The following ELP3 variants were observed in gnomAD, a reference collection of about 807,000 sequenced individuals.
ELP3 encodes the protein elongator acetyltransferase complex subunit 3.
Under a neutral mutation model 74.9 loss-of-function variants are expected in ELP3, and 56 were observed. That is an observed-to-expected ratio of 0.75 (90% CI 0.60 to 0.93). The LOEUF (loss-of-function observed/expected upper bound fraction) is 0.93, where lower values mean the gene tolerates loss of function less well. Ranked by LOEUF, ELP3 falls within the 40% of genes least tolerant of loss-of-function variation. The probability of loss-of-function intolerance (pLI) is 0.00; values close to 1 mark genes in which losing one functional copy is unlikely to be tolerated. For missense variants in ELP3, 573 were observed against 686.5 expected (o/e 0.83, Z 1.85); for synonymous variants, 222 against 239.8 (o/e 0.93, Z 0.68).
intron 14 of ELP3, among the ~76,000 whole-genome samples, chr8:28,175,117 A>T (rs1814690563): frequency 6.6e-6 from 1 of 152,040 alleles, no homozygotes. Flanking sequence ...ATCATTGTGG[A>T]TCTCTTTGAG....
At chr8:28,105,022 T>TATAG (rs1358488309) in intron 3 of ELP3, among the ~76,000 whole-genome samples, 2 of 152,182 alleles carry the variant, frequency 1.3e-5, no homozygotes, top group Non-Finnish European at 2.9e-5. Flanking sequence ...TCAAGCTGAT[T>TATAG]TCTATGTCTT....
chr8:28,102,822 A>G (rs1482994422), intron 3 of ELP3, among the ~76,000 whole-genome samples: 5 of 152,222 alleles, frequency 3.3e-5, no homozygotes, highest in Non-Finnish European at 4.4e-5. Flanking sequence ...CCAATGCATA[A>G]TGTCATGTAT....
At chr8:28,101,302 C>T (rs964022333) in intron 3 of ELP3, among the ~76,000 whole-genome samples, 1 of 151,312 alleles carries the variant, frequency 6.6e-6, no homozygotes, top group Non-Finnish European at 1.5e-5. Flanking sequence ...GGCCTGTAGT[C>T]CCAGCTACTC....
intron 7 of ELP3, among the ~76,000 whole-genome samples, chr8:28,121,585 G>T (rs1011228667): frequency 5.3e-5 from 8 of 152,040 alleles, no homozygotes; most frequent in African/African-American, 1.9e-4. Context: ...CTCCCAAAGT[G>T]CTGGGATTAC....
At chr8:28,097,120 T>C in intron 1 of ELP3, 99 bp from the exon 2 acceptor site, 1 of 721,462 alleles carries the variant, frequency 1.4e-6, no homozygotes, top group South Asian at 1.8e-5. Flanking sequence ...TCATTTGGCA[T>C]ATTTGTATGG....
intron 7 of ELP3, among the ~76,000 whole-genome samples, chr8:28,127,911 G>C (rs1812642755): frequency 6.6e-6 from 1 of 152,196 alleles, no homozygotes; most frequent in African/African-American, 2.4e-5. Flanking sequence ...TTGTTCTCTA[G>C]ATTGGTGATT....
chr8:28,094,645 G>T (rs993121248), intron 1 of ELP3, among the ~76,000 whole-genome samples: 6 of 152,138 alleles, frequency 3.9e-5, no homozygotes, highest in Admixed American at 1.3e-4. Context: ...CTGAGGCAGA[G>T]GCGGGAGAAT....
In ELP3 at chr8:28,189,635, C is replaced by T. The variant is rs763371068; in HGVS notation, c.1568-14C>T. 1.1e-5 allele frequency: 17 copies of T among 1,613,580 alleles called. No homozygotes were observed. The highest frequency in any genetic ancestry group is 2.2e-5 in the East Asian group (1 of 44,880). On this transcript the variant is annotated splice_polypyrimidine_tract_variant and intron_variant, in intron 14 of 14. Coordinates refer to ENST00000256398, the MANE Select transcript of ELP3 (RefSeq NM_018091.6). Reference sequence around the variant, plus strand: ...AAAGTGAATGCTCCTTTTTTAACTTCGATTTTTCTGCAGGGGTCGGCACCA... The same window carrying T: ...AAAGTGAATGCTCCTTTTTTAACTTTGATTTTTCTGCAGGGGTCGGCACCA...
rs1194222484 is a variant in ELP3, at chr8:28,156,014, G to A, written c.1173G>A (p.Met391Ile). ...TGAGAGAGCTGGCACTTGCAAGAAT[G>A]AAAGACCTCGGAATACAGGTAAGAG... ...GNLRELALAR[M>I]KDLGIQCRDV... The change falls in exon 11 of 15, where the codon ATG becomes ATA. Residue 391 changes from methionine to isoleucine, a missense_variant. By Grantham distance (10) the Met-to-Ile change is conservative. Transcript: ENST00000256398. 1.2e-6 allele frequency: 2 copies of A among 1,613,656 alleles called. No homozygotes were observed. Among genetic ancestry groups the A allele is most frequent in the Admixed American group, 1.7e-5 (1 of 59,982 alleles).
At position 28,160,331 on chromosome 8, in the gene ELP3, C is replaced by T. The variant is rs751119272; in HGVS notation, c.1360C>T (p.Arg454Cys). The T allele has an allele frequency of 4.3e-6, 7 of 1,614,036 alleles. No homozygotes were observed. The highest frequency in any genetic ancestry group is 2.2e-5 in the East Asian group (1 of 44,884). The change falls in exon 13 of 15, where the codon CGC (arginine) becomes TGC (cysteine). Residue 454 changes from arginine (R) to cysteine (C), a missense_variant. Transcript: ENST00000256398. ...QDILIGLLRL[R>C]KCSEETFRFE... ...CATTTTGATTGGCCTCCTACGATTACGCAAGTGTTCAGAAGAAACTTTCCG... is the reference window on the plus strand; with the variant it reads ...CATTTTGATTGGCCTCCTACGATTATGCAAGTGTTCAGAAGAAACTTTCCG...
chr8:28,187,892 T>A (rs548688191), intron 14 of ELP3, among the ~76,000 whole-genome samples: 76 of 152,282 alleles, frequency 5.0e-4, no homozygotes, highest in African/African-American at 1.8e-3. Context: ...GTGACAGATT[T>A]AGGGGTTGCC....
intron 10 of ELP3, among the ~76,000 whole-genome samples, chr8:28,151,294 G>A (rs1813633705): frequency 2.1e-5 from 2 of 94,924 alleles, no homozygotes; most frequent in South Asian, 6.8e-4. Context: ...TCTTTTTAGT[G>A]TTTCTTCAGA....
rs1226337078 is a variant in ELP3, at chr8:28,147,529, C to T, written c.1101-8413C>T. On this transcript the variant is annotated intron_variant, in intron 10 of 14. Coordinates refer to ENST00000256398, the MANE Select transcript of ELP3 (RefSeq NM_018091.6). This position sits in a 1 kb window ranked among gnomAD's most constrained non-coding sequence, Gnocchi z 4.5. ...AGGTGAAAGCTGAAAAGAACACCAA[C>T]GTACCATGTTAGTATTGGAATTATC... Among the ~76,000 whole-genome samples the T allele has an allele frequency of 4.6e-5, 7 of 152,232 alleles. No individual in the cohort carries two copies. In the East Asian group the frequency reaches 1.4e-3, roughly 29 times the overall value.
chr8:28,106,912 T>G, intron 4 of ELP3, 129 bp downstream of exon 4: 1 of 643,714 alleles, frequency 1.6e-6, no homozygotes, highest in Non-Finnish European at 2.6e-6. Flanking sequence ...GATTACTCCT[T>G]TCAAACAAGC....
chr8:28,090,619 T>C (rs1488662293), upstream of ELP3, among the ~76,000 whole-genome samples: 4 of 152,042 alleles, frequency 2.6e-5, no homozygotes, highest in Admixed American at 2.6e-4. Context: ...AAAGGTATTG[T>C]GTATGTGTCT....
chr8:28,148,816 G>A (rs1008889517), intron 10 of ELP3, among the ~76,000 whole-genome samples: 2 of 152,086 alleles, frequency 1.3e-5, no homozygotes, highest in Non-Finnish European at 2.9e-5. Flanking sequence ...GAGGATTTTT[G>A]CATCTATGTT....
At chr8:28,127,274 A>T (rs986277095) in intron 7 of ELP3, among the ~76,000 whole-genome samples, 2 of 152,126 alleles carry the variant, frequency 1.3e-5, no homozygotes, top group Non-Finnish European at 2.9e-5. Context: ...TCTTTCCTCT[A>T]CACAAATTCC....
intron 14 of ELP3, among the ~76,000 whole-genome samples, chr8:28,164,556 T>TG (rs1814233506): frequency 6.6e-6 from 1 of 152,108 alleles, no homozygotes; most frequent in Non-Finnish European, 1.5e-5. Context: ...CCGTAAGCAT[T>TG]ACTTCCTGTC....
At chr8:28,180,122 A>G (rs1814943153) in intron 14 of ELP3, among the ~76,000 whole-genome samples, 1 of 151,952 alleles carries the variant, frequency 6.6e-6, no homozygotes, top group South Asian at 2.1e-4. Flanking sequence ...CTAGGTATGG[A>G]TTTCCCGTTT....
Sources: allele counts gnomAD v4.1 joint callset (sites outside exome capture counted in the v4.1 genomes callset), GRCh38; gene constraint gnomAD v4.1.1; non-coding constraint Gnocchi (gnomAD v3.1); transcripts MANE v1.5; gene names NCBI Gene and HGNC (gene_info 2026-07-23, HGNC 2026-07-21).